Variants in ASB3 observed in about 807,000 individuals in gnomAD.
ASB3 encodes the protein ankyrin repeat and SOCS box containing 3.
A neutral mutation model predicts 54.5 loss-of-function variants in ASB3; 41 were observed. The ratio of observed to expected loss-of-function variants is 0.75; its 90% CI spans 0.59 to 0.98. ASB3 has a LOEUF of 0.98. ASB3 is among the 50% of genes least tolerant of loss of function. The pLI, the probability that ASB3 is intolerant of heterozygous loss-of-function variation, is 0.00. For missense variants in ASB3, 733 were observed against 620.0 expected (o/e 1.18, Z -1.94); for synonymous variants, 266 against 221.2 (o/e 1.20, Z -1.80).
intron 7 of ASB3, among the ~76,000 whole-genome samples, chr2:53,705,150 G>C (rs1338665412): frequency 1.3e-5 from 2 of 152,026 alleles, no homozygotes; most frequent in Non-Finnish European, 2.9e-5. Flanking sequence ...AAAAGACTAA[G>C]AGAATACACC....
At chr2:53,769,783 G>C (rs59689026) in intron 1 of ASB3, among the ~76,000 whole-genome samples, 1 of 152,092 alleles carries the variant, frequency 6.6e-6, no homozygotes, top group African/African-American at 2.4e-5. Context: ...CAGACGTTGC[G>C]GTGAGCTGAG....
intron 1 of ASB3, among the ~76,000 whole-genome samples, chr2:53,778,833 T>C (rs1165750646): frequency 6.6e-6 from 1 of 152,250 alleles, no homozygotes; most frequent in Non-Finnish European, 1.5e-5. Context: ...TTGTGATTAA[T>C]GCTGCAATGA....
At chr2:53,687,489 G>C (rs1325192072) in intron 9 of ASB3, among the ~76,000 whole-genome samples, 1 of 152,132 alleles carries the variant, frequency 6.6e-6, no homozygotes, top group Non-Finnish European at 1.5e-5. Flanking sequence ...GCCTCACCCA[G>C]GTGAAAAACA....
At chr2:53,717,119 T>C (rs939609803) in intron 5 of ASB3, among the ~76,000 whole-genome samples, 10 of 152,222 alleles carry the variant, frequency 6.6e-5, no homozygotes, top group Admixed American at 2.0e-4. Context: ...TAGAATTCAT[T>C]TTTAAGCTAA....
chr2:53,689,520 G>C (rs1668800328), intron 9 of ASB3, among the ~76,000 whole-genome samples: 1 of 152,126 alleles, frequency 6.6e-6, no homozygotes, highest in African/African-American at 2.4e-5. Flanking sequence ...TTATCAGAAA[G>C]GATTACAGAC....
chr2:53,732,811 ATCGTGGT>A (rs1671394012), intron 3 of ASB3, among the ~76,000 whole-genome samples: 1 of 152,218 alleles, frequency 6.6e-6, no homozygotes, highest in African/African-American at 2.4e-5. Context: ...TAATTGAGAA[ATCGTGGT>A]TTAGAAAAGT....
At chr2:53,784,781 T>A (rs1674844249) in intron 1 of ASB3, among the ~76,000 whole-genome samples, 1 of 152,158 alleles carries the variant, frequency 6.6e-6, no homozygotes, top group Non-Finnish European at 1.5e-5. Flanking sequence ...TTACTTGAAT[T>A]ATATTTGCAA....
chr2:53,768,959 T>G (rs976831541), intron 1 of ASB3, among the ~76,000 whole-genome samples: 1 of 152,204 alleles, frequency 6.6e-6, no homozygotes, highest in Non-Finnish European at 1.5e-5. Flanking sequence ...AAGAGAGACA[T>G]GGGATTAAAA....
chr2:53,688,216 A>G (rs1668733384), intron 9 of ASB3, among the ~76,000 whole-genome samples: 1 of 152,254 alleles, frequency 6.6e-6, no homozygotes, highest in African/African-American at 2.4e-5. Flanking sequence ...TATGCTAACA[A>G]ATAAACCCGA....
intron 1 of ASB3, among the ~76,000 whole-genome samples, chr2:53,766,826 C>A (rs906379266): frequency 1.3e-5 from 2 of 151,956 alleles, no homozygotes; most frequent in Admixed American, 1.3e-4. Context: ...CAGCTTCCTG[C>A]TGATTTCTTT....
chr2:53,707,043 T>C (rs919950107), intron 7 of ASB3, among the ~76,000 whole-genome samples: 3 of 152,180 alleles, frequency 2.0e-5, no homozygotes, highest in African/African-American at 7.2e-5. Context: ...AAATAATTGT[T>C]CTGGTCTAAA....
chr2:53,709,334 G>T (rs1014539596), intron 7 of ASB3, among the ~76,000 whole-genome samples: 5 of 152,212 alleles, frequency 3.3e-5, no homozygotes, highest in Non-Finnish European at 7.3e-5. Context: ...TTAACCCTGT[G>T]GGTGCACAGA....
chr2:53,700,500 G>A lies in ASB3; in HGVS notation c.1009C>T (p.Leu337Phe), dbSNP rs375370498. ...DCEFFGIVNI[L>F]LKYGAQINEL... ...TTTATCTGGGCTCCATATTTCAAAAGAATGTTCACAATTCCAAAGAACTCA... is the reference window on the plus strand; with the variant it reads ...TTTATCTGGGCTCCATATTTCAAAAAAATGTTCACAATTCCAAAGAACTCA... Residue 337 changes from leucine (L) to phenylalanine (F), a missense_variant, in exon 8 of 10, where the codon CTT (leucine) becomes TTT (phenylalanine). Transcript: ENST00000263634. 1 of 1,612,176 alleles carries A rather than the reference G, an allele frequency of 6.2e-7. No individual in the cohort carries two copies. Among genetic ancestry groups the A allele is most frequent in the East Asian group, 2.2e-5 (1 of 44,844 alleles).
Position 53,767,886 on chromosome 2 carries a change from G to T in ASB3, c.-13-2301C>A, listed in dbSNP as rs561946022. Reference sequence around the variant, plus strand: ...CACTGGGGCAGAGGAGCCGCGAGAAGATGTGGGTTTTTGGTTACGGGTCCC... The same window carrying T: ...CACTGGGGCAGAGGAGCCGCGAGAATATGTGGGTTTTTGGTTACGGGTCCC... On this transcript the variant is annotated intron_variant, in intron 1 of 9. Coordinates refer to ENST00000263634, the MANE Select transcript of ASB3 (RefSeq NM_016115.5). The T allele has an allele frequency of 2.5e-6, 4 of 1,609,024 alleles. No individual in the cohort carries two copies. The African/African-American group carries it at 5.3e-5, about 21-fold the overall frequency.
chr2:53,771,774 A>G, intron 1 of ASB3: 2 of 686,358 alleles, frequency 2.9e-6, no homozygotes, highest in Non-Finnish European at 5.2e-6. Context: ...ATAAAAAATA[A>G]CTATGCTTAA....
chr2:53,716,651 A>C lies in ASB3; in HGVS notation c.697T>G (p.Ser233Ala). ...GHTKCVELLL[S>A]SGADPDLYCN... The stretch of plus-strand genomic sequence containing the variant: ...TAAAGATCAGGATCTGCCCCACTGG[A>C]GAGCAAAAGCTCCACACATTTTGTG... The change falls in exon 6 of 10, where the codon TCC becomes GCC. Residue 233 changes from serine (S) to alanine (A), a missense_variant. Coordinates refer to ENST00000263634, the MANE Select transcript of ASB3 (RefSeq NM_016115.5). 1 of 1,614,172 alleles carries C rather than the reference A, an allele frequency of 6.2e-7. No homozygotes were observed. Among genetic ancestry groups the C allele is most frequent in the Non-Finnish European group, 8.5e-7 (1 of 1,180,010 alleles).
chr2:53,779,217 T>C (rs1674515850), intron 1 of ASB3, among the ~76,000 whole-genome samples: 1 of 152,218 alleles, frequency 6.6e-6, no homozygotes, highest in Non-Finnish European at 1.5e-5. Flanking sequence ...TCCTTGCCCA[T>C]TTTTTAACTG....
chr2:53,779,068 T>C (rs1674509166), intron 1 of ASB3, among the ~76,000 whole-genome samples: 1 of 152,234 alleles, frequency 6.6e-6, no homozygotes, highest in African/African-American at 2.4e-5. Flanking sequence ...TGTTTGATAG[T>C]AGCCATTCTG....
At chr2:53,680,512 CAT>C (rs1231199613) in intron 9 of ASB3, among the ~76,000 whole-genome samples, 2 of 152,132 alleles carry the variant, frequency 1.3e-5, no homozygotes, top group African/African-American at 4.8e-5. Context: ...AACTTTTTTT[CAT>C]ATGATTGTTG....
Sources: allele counts gnomAD v4.1 joint callset (sites outside exome capture counted in the v4.1 genomes callset), GRCh38; gene constraint gnomAD v4.1.1; transcripts MANE v1.5; gene names NCBI Gene and HGNC (gene_info 2026-07-23, HGNC 2026-07-21).